The following LAMB2 variants were observed in gnomAD, a reference collection of about 807,000 sequenced individuals.
The protein encoded by LAMB2 is laminin subunit beta 2, also known as laminin subunit beta-2.
LAMB2 carries 119 observed loss-of-function variants against 202.7 expected under a neutral mutation model. The observed-to-expected ratio is 0.59, with a 90% confidence interval of 0.51 to 0.68. The LOEUF is 0.68. LAMB2 is among the 30% of genes least tolerant of loss of function. The pLI, the probability that LAMB2 is intolerant of heterozygous loss-of-function variation, is 0.00. For synonymous variants in LAMB2, 818 were observed against 902.2 expected (o/e 0.91, Z 1.67); for missense variants, 2,124 against 2,410.6 (o/e 0.88, Z 2.49).
chr3:49,131,090 G>T lies in LAMB2; in HGVS notation c.775C>A (p.Leu259Ile). The T allele has an allele frequency of 6.2e-7, 1 of 1,613,796 alleles. No homozygotes were observed. The highest frequency in any genetic ancestry group is 8.5e-7 in the Non-Finnish European group (1 of 1,180,026). ...CGGATCTCCCTCCGTGGGTCGAGTA[G>T]GTTGTCTCCCAACGTGTGTAGACGA... ...LTRLHTLGDN[L>I]LDPRREIREK... Residue 259 changes from leucine to isoleucine, a missense_variant, in exon 7 of 32, where the codon CTA (leucine) becomes ATA (isoleucine). Physicochemically the swap from Leu to Ile is conservative, Grantham distance 5. Coordinates refer to ENST00000305544, the MANE Select transcript of LAMB2 (RefSeq NM_002292.4). The surrounding 1 kb of genome is among the most constrained non-coding windows in gnomAD (Gnocchi z 5.0).
intron 29 of LAMB2, 41 bp downstream of exon 29, chr3:49,121,903 G>T: frequency 1.2e-6 from 2 of 1,613,690 alleles, no homozygotes; most frequent in Non-Finnish European, 1.7e-6. Flanking sequence ...TACGGTTCAT[G>T]CCCATAACCT....
chr3:49,129,571 T>C lies in LAMB2; in HGVS notation c.1518+33A>G. 6.5e-7 allele frequency: 1 copy of C among 1,544,416 alleles called. No homozygotes were observed. Among genetic ancestry groups the C allele is most frequent in the South Asian group, 1.1e-5 (1 of 89,570 alleles). On this transcript the variant is annotated intron_variant, in intron 11 of 31. Coordinates refer to ENST00000305544, the MANE Select transcript of LAMB2 (RefSeq NM_002292.4). The surrounding 1 kb of genome is among the most constrained non-coding windows in gnomAD (Gnocchi z 6.1). ...AGCCCTGTGCTCTAAGGACAAATCA[T>C]GCCCCTAGAACTCCAGCCCCTTCCA...
intron 15 of LAMB2, among the ~76,000 whole-genome samples, chr3:49,126,772 C>G (rs902357433): frequency 6.6e-6 from 1 of 152,138 alleles, no homozygotes; most frequent in Non-Finnish European, 1.5e-5. Flanking sequence ...AAGAACTTGC[C>G]AATTCTCCTC....
chr3:49,123,620 C>T lies in LAMB2; in HGVS notation c.3809G>A (p.Gly1270Glu), dbSNP rs2107637793. ...CTGAGTCAGGTGCTCAGTGGCCTCC[C>T]CAATTTCACGCCTGCAATGATGGAG... ...EATEELRREI[G>E]EATEHLTQLE... The change falls in exon 25 of 32, where the codon GGG becomes GAG. Residue 1270 changes from glycine (G) to glutamate (E), a missense_variant. Around this residue, in one of 3 missense-constraint regions of LAMB2, gnomAD observed 1,702 missense variants for 1,896.3 expected, o/e 0.90. Transcript: ENST00000305544. 6.2e-7 allele frequency: 1 copy of T among 1,614,132 alleles called. No individual in the cohort carries two copies. The highest frequency in any genetic ancestry group is 1.1e-5 in the South Asian group (1 of 91,088).
chr3:49,121,260 T>C lies in LAMB2; in HGVS notation c.5363A>G (p.Asn1788Ser). Reference sequence around the variant, plus strand: ...GGTGTTGTAGATCTGCACCTGCAAGTTGATGGCTTGAAGCACGCTGCGCAT... The same window carrying C: ...GGTGTTGTAGATCTGCACCTGCAAGCTGATGGCTTGAAGCACGCTGCGCAT... ...ARMRSVLQAI[N>S]LQVQIYNTCQ Residue 1788 changes from asparagine to serine, a missense_variant, in exon 32 of 32, where the codon AAC becomes AGC. Transcript: ENST00000305544. 1 of 1,612,330 alleles carries C rather than the reference T, an allele frequency of 6.2e-7. No individual in the cohort carries two copies. The highest frequency in any genetic ancestry group is 8.5e-7 in the Non-Finnish European group (1 of 1,180,016).
Position 49,126,497 on chromosome 3 carries a change from C to A in LAMB2, c.2019G>T (p.Arg673Ser), listed in dbSNP as rs748124251. The change falls in exon 16 of 32, where the codon AGG becomes AGT. Residue 673 changes from arginine to serine, a missense_variant and splice_region_variant. Physicochemically the swap from Arg to Ser is moderately radical, Grantham distance 110. Coordinates refer to ENST00000305544, the MANE Select transcript of LAMB2 (RefSeq NM_002292.4). ...AGACAGGATTAGGAAATATCAAGTA[C>A]CTGGGGGCGAGTGGGGACAGGTGCA... ...RIQGTLQPHA[R>S]YLIFPNPVCL... The A allele has an allele frequency of 1.2e-6, 2 of 1,613,976 alleles. No individual in the cohort carries two copies. The highest frequency in any genetic ancestry group is 3.3e-5 in the Admixed American group (2 of 59,996).
Position 49,130,424 on chromosome 3 carries a change from C to G in LAMB2, c.1037-5G>C, listed in dbSNP as rs2045468579. 1 of 1,613,940 alleles carries G rather than the reference C, an allele frequency of 6.2e-7. No individual in the cohort carries two copies. Among genetic ancestry groups the G allele is most frequent in the Non-Finnish European group, 8.5e-7 (1 of 1,180,038 alleles). ...TGTGCCCATGGCACTCACACTCTGG[C>G]AGGGGAGGAAGGGCAGGGCAAAGGC... is the stretch of plus-strand genomic sequence containing the variant. On this transcript the variant is annotated splice_region_variant and splice_polypyrimidine_tract_variant and intron_variant, in intron 8 of 31. Coordinates refer to ENST00000305544, the MANE Select transcript of LAMB2 (RefSeq NM_002292.4). This position sits in a 1 kb window ranked among gnomAD's most constrained non-coding sequence, Gnocchi z 5.0.
rs747774667 is a variant in LAMB2, at chr3:49,121,724, G to T, written c.5060C>A (p.Thr1687Lys). Residue 1687 changes from threonine to lysine, a missense_variant, in exon 30 of 32, where the codon ACG becomes AAG. Transcript: ENST00000305544. ...NSLAASTAEE[T>K]AGSAQGRAQE... is the part of the protein sequence containing the mutation. Reference sequence around the variant, plus strand: ...GGCACGACCCTGGGCACTGCCTGCCGTTTCTTCTGCTGTAGAGGCTGCCAG... The same window carrying T: ...GGCACGACCCTGGGCACTGCCTGCCTTTTCTTCTGCTGTAGAGGCTGCCAG... 35 of 1,613,764 alleles carry T rather than the reference G, an allele frequency of 2.2e-5. No homozygotes were observed. The East Asian group carries it at 7.6e-4, about 35-fold the overall frequency.
chr3:49,122,012 C>T lies in LAMB2; in HGVS notation c.4855G>A (p.Gly1619Ser). ...CCCCGGATGGCACCCTGGGCAATAC[C>T]CTGTGCCCGCTGGGCCTCCTCCAGT... Reference protein sequence around the residue: ...AALEEAQRAQGIAQGAIRGAV... With the variant: ...AALEEAQRAQSIAQGAIRGAV... The change falls in exon 29 of 32, where the codon GGT (glycine) becomes AGT (serine). Residue 1619 changes from glycine (G) to serine (S), a missense_variant. Physicochemically the swap from Gly to Ser is moderately conservative, Grantham distance 56 (BLOSUM62 0). Coordinates refer to ENST00000305544, the MANE Select transcript of LAMB2 (RefSeq NM_002292.4). 1 of 1,613,808 alleles carries T rather than the reference C, an allele frequency of 6.2e-7. No homozygotes were observed.
Position 49,124,398 on chromosome 3 carries a change from G to A in LAMB2, c.3324C>T (p.Asn1108=), listed in dbSNP as rs757491995. The A allele has an allele frequency of 2.3e-5, 37 of 1,613,322 alleles. No individual in the cohort carries two copies. Among genetic ancestry groups the A allele is most frequent in the Admixed American group, 1.0e-4 (6 of 59,992 alleles). Residue 1108 remains asparagine (N), a synonymous_variant, in exon 22 of 32, where the codon AAC becomes AAT. Transcript: ENST00000305544. ...HPSRARGPTC[N]EFTGQCHCRA... ...GATCTGCAGGAGGGTCCCATACCTCGTTGCAGGTGGGGCCTCTGGCCCGGC... is the reference window on the plus strand; with the variant it reads ...GATCTGCAGGAGGGTCCCATACCTCATTGCAGGTGGGGCCTCTGGCCCGGC...
At chr3:49,127,491 C>A (rs1356441868) in intron 15 of LAMB2, among the ~76,000 whole-genome samples, 1 of 151,920 alleles carries the variant, frequency 6.6e-6, no homozygotes, top group Admixed American at 6.6e-5. Flanking sequence ...GTCAGGAGAT[C>A]GAGACCATCC....
intron 24 of LAMB2, 43 bp downstream of exon 24, chr3:49,123,685 G>T: frequency 8.1e-6 from 13 of 1,613,702 alleles, no homozygotes; most frequent in Non-Finnish European, 1.1e-5. Flanking sequence ...GGTCCACTGG[G>T]CCTCTGCCCC....
At chr3:49,121,397 C>T (rs956696708) in intron 31 of LAMB2, 35 bp from the exon 32 acceptor site, 8 of 1,614,078 alleles carry the variant, frequency 5.0e-6, no homozygotes, top group Non-Finnish European at 6.8e-6. Context: ...GGGGGGGTTT[C>T]CCGCAGTCTT....
rs750661078 is a variant in LAMB2, at chr3:49,123,544, A to C, written c.3885T>G (p.His1295Gln). 2 of 1,614,188 alleles carry C rather than the reference A, an allele frequency of 1.2e-6. No individual in the cohort carries two copies. Among genetic ancestry groups the C allele is most frequent in the South Asian group, 2.2e-5 (2 of 91,090 alleles). Residue 1295 changes from histidine (H) to glutamine (Q), a missense_variant, in exon 25 of 32, where the codon CAT becomes CAG. Coordinates refer to ENST00000305544, the MANE Select transcript of LAMB2 (RefSeq NM_002292.4). ...DVQDENFNAN[H>Q]ALSGLERDRL... ...TATCTCGCTCCAGACCACTTAGTGCATGGTTGGCATTGAAGTTCTCATCTT... is the reference window on the plus strand; with the variant it reads ...TATCTCGCTCCAGACCACTTAGTGCCTGGTTGGCATTGAAGTTCTCATCTT...
chr3:49,129,568 T>C lies in LAMB2; in HGVS notation c.1518+36A>G, dbSNP rs1278079048. 6.5e-7 allele frequency: 1 copy of C among 1,530,444 alleles called. No individual in the cohort carries two copies. The highest frequency in any genetic ancestry group is 9.1e-7 in the Non-Finnish European group (1 of 1,104,594). The allele number at this position is 1,530,444 out of a possible 1,614,324, so 94.8% of individuals were successfully genotyped here. ...CCCAGCCCTGTGCTCTAAGGACAAA[T>C]CATGCCCCTAGAACTCCAGCCCCTT... On this transcript the variant is annotated intron_variant, in intron 11 of 31. Transcript: ENST00000305544. This position sits in a 1 kb window ranked among gnomAD's most constrained non-coding sequence, Gnocchi z 6.1.
Position 49,125,406 on chromosome 3 carries a change from G to C in LAMB2, c.2567C>G (p.Ala856Gly). The change falls in exon 19 of 32, where the codon GCC becomes GGC. Residue 856 changes from alanine to glycine, a missense_variant. Coordinates refer to ENST00000305544, the MANE Select transcript of LAMB2 (RefSeq NM_002292.4). ...TSGQCLCRTG[A>G]FGLRCDRCQR... Reference sequence around the variant, plus strand: ...GCAGCGGTCACAGCGAAGCCCAAAGGCACCAGTTCGACAGAGACATTGCCC... The same window carrying C: ...GCAGCGGTCACAGCGAAGCCCAAAGCCACCAGTTCGACAGAGACATTGCCC... 6.2e-7 allele frequency: 1 copy of C among 1,613,968 alleles called. No homozygotes were observed.
At chr3:49,126,562 C>T in intron 15 of LAMB2, 65 bp from the exon 16 acceptor site, 1 of 1,600,648 alleles carries the variant, frequency 6.2e-7, no homozygotes, top group Non-Finnish European at 8.5e-7. Flanking sequence ...ATCTGGGCCT[C>T]CCCCATCCTT....
chr3:49,131,103 C>T lies in LAMB2; in HGVS notation c.762G>A (p.Thr254=), dbSNP rs201406827. 32 of 1,613,766 alleles carry T rather than the reference C, an allele frequency of 2.0e-5. No individual in the cohort carries two copies. Among genetic ancestry groups the T allele is most frequent in the South Asian group, 3.3e-5 (3 of 91,082 alleles). Residue 254 remains threonine (T), a synonymous_variant, in exon 7 of 32, where the codon ACG becomes ACA. Transcript: ENST00000305544. The surrounding 1 kb of genome is among the most constrained non-coding windows in gnomAD (Gnocchi z 5.0). ...NLRVNLTRLH[T]LGDNLLDPRR... is the part of the protein sequence containing the mutation. ...GTGGGTCGAGTAGGTTGTCTCCCAA[C>T]GTGTGTAGACGAGTCAGGTTCACCC...
At chr3:49,127,391 A>G (rs2045426450) in intron 15 of LAMB2, among the ~76,000 whole-genome samples, 1 of 152,100 alleles carries the variant, frequency 6.6e-6, no homozygotes, top group African/African-American at 2.4e-5. Flanking sequence ...GAATATTTAC[A>G]TGGTCAAAAA....
Sources: gnomAD v4.1 joint callset for allele counts (sites outside exome capture counted in the v4.1 genomes callset) on GRCh38, gnomAD v4.1.1 for gene constraint, gnomAD v4.1.1 regional missense constraint, Gnocchi (gnomAD v3.1) non-coding constraint, MANE v1.5 for transcripts, NCBI Gene and HGNC (gene_info 2026-07-23, HGNC 2026-07-21) for gene names.